The following ENO4 variants were observed in gnomAD, a reference collection of about 807,000 sequenced individuals.
The protein encoded by ENO4 is enolase 4.
A neutral mutation model predicts 63.2 loss-of-function variants in ENO4; 53 were observed. That is an observed-to-expected ratio of 0.84 (90% CI 0.67 to 1.05). The LOEUF (loss-of-function observed/expected upper bound fraction) is 1.05. Ranked by LOEUF, ENO4 falls within the 50% of genes least tolerant of loss-of-function variation. The pLI is 0.00. For missense variants in ENO4, 719 were observed against 772.0 expected (o/e 0.93, Z 0.81); for synonymous variants, 266 against 283.8 (o/e 0.94, Z 0.63).
intron 10 of ENO4, among the ~76,000 whole-genome samples, chr10:116,875,561 T>TCACACACACACACACACA (rs56000218): frequency 0.034 from 4,973 of 147,942 alleles, 110 homozygotes; most frequent in East Asian, 0.088. Flanking sequence ...TCCAGGCTGG[T>TCACACACACACACACACA]CACACACACA....
intron 8 of ENO4, among the ~76,000 whole-genome samples, chr10:116,868,954 C>G (rs949117439): frequency 7.2e-5 from 11 of 152,262 alleles, no homozygotes; most frequent in Admixed American, 6.5e-4. Flanking sequence ...GGCTAGGAAG[C>G]ATTTATGAGA....
chr10:116,907,789 C>G (rs963492570), intron 10 of ENO4: 7 of 468,552 alleles, frequency 1.5e-5, no homozygotes, highest in Admixed American at 9.1e-5. Flanking sequence ...TCTGGTATAA[C>G]TTGCCAGACT....
At chr10:116,851,979 C>A (rs1481108611) in intron 1 of ENO4, among the ~76,000 whole-genome samples, 1 of 152,156 alleles carries the variant, frequency 6.6e-6, no homozygotes, top group Non-Finnish European at 1.5e-5. Flanking sequence ...CCCTCCCAAA[C>A]CTCATCTTGA....
At chr10:116,862,877 C>G in intron 7 of ENO4, 25 bp downstream of exon 7, 1 of 1,465,306 alleles carries the variant, frequency 6.8e-7, no homozygotes, top group Non-Finnish European at 9.3e-7. Context: ...TCTATGTTAT[C>G]TAGTTACTGA....
At chr10:116,906,860 C>A in intron 10 of ENO4, 1 of 867,020 alleles carries the variant, frequency 1.2e-6, no homozygotes. Flanking sequence ...AATTATGAAA[C>A]AAAATGAATT....
At chr10:116,896,136 C>A (rs747452222) in intron 10 of ENO4, among the ~76,000 whole-genome samples, 1 of 152,250 alleles carries the variant, frequency 6.6e-6, no homozygotes, top group East Asian at 1.9e-4. Flanking sequence ...AACACACACA[C>A]AGAATGGAAG....
chr10:116,864,726 A>T (rs1846507411), intron 7 of ENO4, among the ~76,000 whole-genome samples: 1 of 152,040 alleles, frequency 6.6e-6, no homozygotes, highest in Non-Finnish European at 1.5e-5. Context: ...TAAAAAAATA[A>T]ATAAGTAGAT....
intron 10 of ENO4, among the ~76,000 whole-genome samples, chr10:116,891,510 A>G (rs866987684): frequency 6.6e-6 from 1 of 152,184 alleles, no homozygotes; most frequent in African/African-American, 2.4e-5. Flanking sequence ...CAAGGACAGA[A>G]AACAGAAAGA....
chr10:116,908,367 T>G (rs1033711067), intron 10 of ENO4, among the ~76,000 whole-genome samples: 1 of 152,210 alleles, frequency 6.6e-6, no homozygotes, highest in Non-Finnish European at 1.5e-5. Context: ...TCTGGTTTGT[T>G]TCTTTAACAT....
chr10:116,863,368 ACACACACACACACACACACG>A (rs1408933396), intron 7 of ENO4, among the ~76,000 whole-genome samples: 2 of 151,550 alleles, frequency 1.3e-5, no homozygotes, highest in Non-Finnish European at 2.9e-5. Context: ...ACACACACAC[ACACACACACACACACACACG>A]CACACACCTT....
chr10:116,873,992 C>T (rs759134880), intron 9 of ENO4, 84 bp from the exon 10 acceptor site: 113 of 1,420,438 alleles, frequency 8.0e-5, no homozygotes, highest in East Asian at 2.5e-4. Flanking sequence ...ATAAAATGAA[C>T]GAAAACGAAT....
intron 10 of ENO4, among the ~76,000 whole-genome samples, chr10:116,909,821 A>G (rs546807206): frequency 3.3e-5 from 5 of 152,266 alleles, no homozygotes; most frequent in Admixed American, 3.3e-4. Context: ...TCAAAAAATA[A>G]CCCACACTGA....
chr10:116,893,727 G>T (rs978968202), intron 10 of ENO4, among the ~76,000 whole-genome samples: 1 of 152,030 alleles, frequency 6.6e-6, no homozygotes, highest in South Asian at 2.1e-4. Context: ...AACAAAACAT[G>T]ACCCCAAACC....
Position 116,855,754 on chromosome 10 carries a change from A to G in ENO4, c.294+3A>G. On this transcript the variant is annotated splice_donor_region_variant and intron_variant, in intron 2 of 13. Coordinates refer to ENST00000341276, the MANE Select transcript of ENO4 (RefSeq NM_001242699.2). ...GCACCATTCAAAACTTTCCCAAGGT[A>G]TGAGGCAGTTTAAGTGTGTTCTTTA... 1 of 1,532,878 alleles carries G rather than the reference A, an allele frequency of 6.5e-7. No individual in the cohort carries two copies. The highest frequency in any genetic ancestry group is 8.7e-7 in the Non-Finnish European group (1 of 1,144,218). 95.0% of individuals were successfully genotyped at this position (1,532,878 alleles called of 1,614,324 possible). A position where few individuals can be genotyped will look rare whatever the true frequency, so the allele number is the denominator to read the frequency against.
chr10:116,857,382 A>G (rs1846293510), intron 3 of ENO4, among the ~76,000 whole-genome samples: 3 of 152,160 alleles, frequency 2.0e-5, no homozygotes, highest in African/African-American at 7.2e-5. Flanking sequence ...TCCAGCCACA[A>G]CTAAGTCTCC....
rs1160150807 is a variant in ENO4 at position 116,868,095 on chromosome 10, T to C, written c.991-555T>C. Among the ~76,000 whole-genome samples the C allele has an allele frequency of 2.6e-5, 4 of 152,244 alleles. No individual in the cohort carries two copies. The East Asian group carries it at 7.7e-4, about 29-fold the overall frequency. ...ATGCCTCTTTGGGAATTACCTTTGC[T>C]TTTAACCTCATGACACTACACCCAC... On this transcript the variant is annotated intron_variant, in intron 7 of 13. Transcript: ENST00000341276.
chr10:116,881,682 C>G lies in ENO4; in HGVS notation c.*13C>G. On this transcript the variant is annotated 3_prime_UTR_variant, in exon 14 of 14. Coordinates refer to ENST00000341276, the MANE Select transcript of ENO4 (RefSeq NM_001242699.2). ...ATCCTCTGGATAGGGCTGTACACAC[C>G]CCAGGTTCCAGCCACACCATCAGTA... The G allele has an allele frequency of 6.8e-7, 1 of 1,478,476 alleles. No individual in the cohort carries two copies. The highest frequency in any genetic ancestry group is 9.0e-7 in the Non-Finnish European group (1 of 1,109,742). The allele number at this position is 1,478,476 out of a possible 1,614,324, so 91.6% of individuals were successfully genotyped here.
chr10:116,858,610 T>C (rs772929098), intron 3 of ENO4, among the ~76,000 whole-genome samples: 6 of 152,228 alleles, frequency 3.9e-5, no homozygotes, highest in African/African-American at 1.4e-4. Flanking sequence ...TCTATTTATA[T>C]GCTATATTTC....
At chr10:116,898,289 T>C (rs1333089721) in intron 10 of ENO4, among the ~76,000 whole-genome samples, 1 of 151,646 alleles carries the variant, frequency 6.6e-6, no homozygotes, top group Non-Finnish European at 1.5e-5. Context: ...GATCGTGCCA[T>C]TGTACTCCAG....
Sources: gnomAD v4.1 joint callset for allele counts (sites outside exome capture counted in the v4.1 genomes callset) on GRCh38, gnomAD v4.1.1 for gene constraint, MANE v1.5 for transcripts, NCBI Gene and HGNC (gene_info 2026-07-23, HGNC 2026-07-21) for gene names.